TRPM3: variants seen among roughly 807,000 people sequenced by gnomAD.
TRPM3 encodes the protein long transient receptor potential channel 3.
In TRPM3, 77 loss-of-function variants were observed where a neutral mutation model predicts 181.2. The observed-to-expected ratio is 0.42, with a 90% CI of 0.35 to 0.51. TRPM3 has a LOEUF of 0.51. Among genes scored for constraint, TRPM3 ranks in the 20% least tolerant of loss-of-function variants. The pLI is 0.01. For missense variants in TRPM3, 1,759 were observed against 2,196.7 expected, an observed-to-expected ratio of 0.80 and a Z score of 3.98; for synonymous variants, 745 against 796.4, an observed-to-expected ratio of 0.94 and a Z score of 1.09.
chr9:71,434,165 TATAA>T (rs1024240586), intron 1 of TRPM3, among the ~76,000 whole-genome samples: 12 of 151,902 alleles, frequency 7.9e-5, no homozygotes, highest in African/African-American at 2.9e-4. Flanking sequence ...TCTCAAAAAA[TATAA>T]ATAAATAAAT....
chr9:70,592,586 C>T (rs2058303049), intron 21 of TRPM3, among the ~76,000 whole-genome samples: 1 of 152,046 alleles, frequency 6.6e-6, no homozygotes, highest in South Asian at 2.1e-4. Context: ...TGGTTTCTAT[C>T]GCTTGCATCA....
intron 1 of TRPM3, among the ~76,000 whole-genome samples, chr9:71,293,586 A>G (rs1342106758): frequency 6.8e-6 from 1 of 147,518 alleles, no homozygotes; most frequent in Non-Finnish European, 1.5e-5. Flanking sequence ...AAATAAATGG[A>G]GAGATATACT....
chr9:71,058,040 A>G lies in TRPM3; in HGVS notation c.177+63138T>C, dbSNP rs149265708. On this transcript the variant is annotated intron_variant, in intron 1 of 25. Coordinates refer to ENST00000677713, the MANE Select transcript of TRPM3 (RefSeq NM_001366145.2). ...CCTAACATTATCTTGTGTGTTATCA[A>G]TGGTACAGATAGTATCCCTGTAAAA... Among the ~76,000 whole-genome samples, 360 of 152,202 alleles carry G rather than the reference A, an allele frequency of 2.4e-3. 2 individuals carry two copies. Among genetic ancestry groups the G allele is most frequent in the African/African-American group, 8.4e-3 (348 of 41,548 alleles).
intron 1 of TRPM3, among the ~76,000 whole-genome samples, chr9:71,046,045 C>T (rs1407881151): frequency 6.6e-6 from 1 of 150,422 alleles, no homozygotes; most frequent in Non-Finnish European, 1.5e-5. Context: ...AGTGCAGTGG[C>T]GCAATCTTGG....
chr9:70,879,166 G>T (rs2095932951), intron 1 of TRPM3, among the ~76,000 whole-genome samples: 2 of 152,028 alleles, frequency 1.3e-5, no homozygotes, highest in Non-Finnish European at 2.9e-5. Context: ...CAAAATACAG[G>T]GACATAGAAT....
intron 1 of TRPM3, among the ~76,000 whole-genome samples, chr9:71,437,766 G>A (rs1015775205): frequency 5.3e-5 from 8 of 151,476 alleles, no homozygotes; most frequent in Non-Finnish European, 1.2e-4. Flanking sequence ...TACTAGGGAG[G>A]CTGAGGCAGG....
intron 1 of TRPM3, among the ~76,000 whole-genome samples, chr9:71,075,237 TCAAA>T (rs1483479602): frequency 6.6e-6 from 1 of 152,204 alleles, no homozygotes; most frequent in African/African-American, 2.4e-5. Context: ...CTCAGCTAAC[TCAAA>T]CAGATTATCA....
chr9:71,209,598 G>A (rs1433153773), intron 1 of TRPM3, among the ~76,000 whole-genome samples: 4 of 152,218 alleles, frequency 2.6e-5, no homozygotes, highest in Non-Finnish European at 4.4e-5. Flanking sequence ...GAGAGGCAAA[G>A]AGCACCTGCT....
chr9:71,229,971 C>T (rs1250168666), intron 1 of TRPM3, among the ~76,000 whole-genome samples: 2 of 152,060 alleles, frequency 1.3e-5, no homozygotes, highest in Non-Finnish European at 2.9e-5. Flanking sequence ...GAGATAGCTG[C>T]ACTCCCATGC....
chr9:70,939,825 C>A (rs547513482), intron 1 of TRPM3, among the ~76,000 whole-genome samples: 1 of 152,228 alleles, frequency 6.6e-6, no homozygotes, highest in East Asian at 1.9e-4. Flanking sequence ...ATTAATTAAT[C>A]CTATTGATAA....
chr9:71,341,694 T>TA (rs56213553), intron 1 of TRPM3, among the ~76,000 whole-genome samples: 5 of 150,826 alleles, frequency 3.3e-5, no homozygotes, highest in African/African-American at 1.2e-4. Flanking sequence ...AAAAAACTGG[T>TA]AAAAAAAAAA....
intron 22 of TRPM3, among the ~76,000 whole-genome samples, chr9:70,575,007 T>G (rs1233732906): frequency 6.6e-6 from 1 of 151,608 alleles, no homozygotes; most frequent in African/African-American, 2.4e-5. Context: ...AGTGGCACAA[T>G]CACAGCTCAC....
intron 1 of TRPM3, among the ~76,000 whole-genome samples, chr9:71,237,618 G>A (rs1454232357): frequency 1.3e-5 from 2 of 152,004 alleles, no homozygotes; most frequent in East Asian, 3.9e-4. Context: ...ACTCTCCCAA[G>A]CAGAAATATC....
chr9:70,859,101 G>A (rs571276164), intron 3 of TRPM3, among the ~76,000 whole-genome samples: 1 of 152,130 alleles, frequency 6.6e-6, no homozygotes, highest in Admixed American at 6.5e-5. Flanking sequence ...CCCATGGCAG[G>A]GGTCACCCAT....
intron 1 of TRPM3, among the ~76,000 whole-genome samples, chr9:71,037,708 G>A (rs1354169027): frequency 6.6e-6 from 1 of 152,192 alleles, no homozygotes; most frequent in Non-Finnish European, 1.5e-5. Context: ...AAGAAGACAT[G>A]CACAGAAACC....
At chr9:71,083,011 T>C (rs1487266094) in intron 1 of TRPM3, among the ~76,000 whole-genome samples, 1 of 152,066 alleles carries the variant, frequency 6.6e-6, no homozygotes, top group Non-Finnish European at 1.5e-5. Flanking sequence ...AGAAATATTT[T>C]AAATATTTCT....
intron 9 of TRPM3, among the ~76,000 whole-genome samples, chr9:70,648,407 T>A (rs1342455044): frequency 6.6e-6 from 1 of 151,868 alleles, no homozygotes; most frequent in African/African-American, 2.4e-5. Context: ...GCCTGGGAGG[T>A]CAAGGCTGCA....
At chr9:71,207,378 C>T (rs2079188088) in intron 1 of TRPM3, among the ~76,000 whole-genome samples, 1 of 152,062 alleles carries the variant, frequency 6.6e-6, no homozygotes, top group African/African-American at 2.4e-5. Context: ...ATTTAACTTT[C>T]TAATTTAACT....
At chr9:70,966,194 T>C (rs530291560) in intron 1 of TRPM3, among the ~76,000 whole-genome samples, 5 of 152,128 alleles carry the variant, frequency 3.3e-5, no homozygotes, top group Admixed American at 2.0e-4. Context: ...CACAATGAGA[T>C]ACCATCTCAC....
Sources: gnomAD v4.1 joint callset for allele counts (sites outside exome capture counted in the v4.1 genomes callset) on GRCh38, gnomAD v4.1.1 for gene constraint, MANE v1.5 for transcripts, NCBI Gene and HGNC (gene_info 2026-07-23, HGNC 2026-07-21) for gene names.